DLC1: variants seen among roughly 807,000 people sequenced by gnomAD.
DLC1 encodes the protein DLC1 Rho GTPase activating protein, also known as rho GTPase-activating protein 7.
A neutral mutation model predicts 140.3 loss-of-function variants in DLC1; 54 were observed. That is an observed-to-expected ratio of 0.38 (90% CI 0.31 to 0.48). The LOEUF (loss-of-function observed/expected upper bound fraction) is 0.48. Ranked by LOEUF, DLC1 falls within the 20% of genes least tolerant of loss-of-function variation. The pLI is 0.96. For missense variants in DLC1, 2,536 were observed against 1,907.0 expected, an observed-to-expected ratio of 1.33 and a Z score of -6.14; for synonymous variants, 986 against 728.1, an observed-to-expected ratio of 1.35 and a Z score of -5.70.
At chr8:13,433,621 G>T (rs115362700) in intron 2 of DLC1, among the ~76,000 whole-genome samples, 2,729 of 152,248 alleles carry the variant, frequency 0.018, 88 homozygotes, top group African/African-American at 0.063. Context: ...GAAACTCACA[G>T]ACTGAAATGA....
At chr8:13,513,883 A>T (rs1322327457) in intron 1 of DLC1, among the ~76,000 whole-genome samples, 1 of 152,178 alleles carries the variant, frequency 6.6e-6, no homozygotes, top group East Asian at 1.9e-4. Context: ...GATTGACTTC[A>T]GTTATTCAAA....
intron 5 of DLC1, among the ~76,000 whole-genome samples, chr8:13,224,855 T>TAC (rs1447759216): frequency 6.6e-6 from 1 of 152,190 alleles, no homozygotes; most frequent in Non-Finnish European, 1.5e-5. Context: ...ATGCTAGTCT[T>TAC]ATGCACCACG....
chr8:13,179,313 T>G (rs1353187150), intron 5 of DLC1, among the ~76,000 whole-genome samples: 3 of 152,138 alleles, frequency 2.0e-5, no homozygotes, highest in Non-Finnish European at 4.4e-5. Context: ...AGTTGGTTGG[T>G]AATGTTTTGT....
At chr8:13,281,657 T>C (rs1428916614) in intron 5 of DLC1, among the ~76,000 whole-genome samples, 1 of 152,162 alleles carries the variant, frequency 6.6e-6, no homozygotes, top group Non-Finnish European at 1.5e-5. Flanking sequence ...TTCTGATATA[T>C]ACCAAAATCA....
intron 3 of DLC1, among the ~76,000 whole-genome samples, chr8:13,394,046 C>T (rs890676840): frequency 6.6e-6 from 1 of 152,214 alleles, no homozygotes; most frequent in African/African-American, 2.4e-5. Flanking sequence ...CCTTGAATCA[C>T]TCACTGACAC....
chr8:13,326,173 A>G (rs558861705), intron 4 of DLC1, among the ~76,000 whole-genome samples: 1 of 152,366 alleles, frequency 6.6e-6, no homozygotes, highest in African/African-American at 2.4e-5. Context: ...CTATACTGCA[A>G]GGCAATGATG....
At chr8:13,188,801 GTATATATATA>G (rs1237501850) in intron 5 of DLC1, among the ~76,000 whole-genome samples, 1 of 71,884 alleles carries the variant, frequency 1.4e-5, no homozygotes, top group Non-Finnish European at 2.4e-5. Flanking sequence ...GTGTGTGTGT[GTATATATATA>G]TATATATATA....
intron 5 of DLC1, among the ~76,000 whole-genome samples, chr8:13,222,848 A>G (rs113539521): frequency 0.011 from 1,709 of 152,210 alleles, 15 homozygotes; most frequent in Non-Finnish European, 0.018. Flanking sequence ...GGCTCAAGCA[A>G]TCCTCCCACC....
chr8:13,125,054 G>C (rs1585701883), intron 5 of DLC1, among the ~76,000 whole-genome samples: 1 of 151,652 alleles, frequency 6.6e-6, no homozygotes, highest in African/African-American at 2.4e-5. Context: ...TCAACTCACA[G>C]CAACCTCTGC....
intron 1 of DLC1, among the ~76,000 whole-genome samples, chr8:13,561,097 A>G (rs1446277967): frequency 2.0e-5 from 3 of 150,954 alleles, no homozygotes; most frequent in Non-Finnish European, 2.9e-5. Context: ...ATTTAGATAA[A>G]TATTGTATAT....
rs553025719 is a variant in DLC1, at chr8:13,563,678, G to A, written c.-126+40859C>T. Among the ~76,000 whole-genome samples, 4 of 152,198 alleles carry A rather than the reference G, an allele frequency of 2.6e-5. No homozygotes were observed. In the South Asian group the frequency reaches 8.3e-4, roughly 32 times the overall value. ...CAGATCTCAAAAGCATTAAAAATGT[G>A]CATACATTTTGACCCACGAATTATG... On this transcript the variant is annotated intron_variant, in intron 1 of 1. Transcript: ENST00000631382.
chr8:13,406,811 G>C (rs896382132), intron 2 of DLC1, among the ~76,000 whole-genome samples: 1 of 152,154 alleles, frequency 6.6e-6, no homozygotes, highest in Non-Finnish European at 1.5e-5. Context: ...AGAATTTAGT[G>C]CCTGTTTAGA....
At chr8:13,479,477 A>G (rs1172168289) in intron 2 of DLC1, among the ~76,000 whole-genome samples, 1 of 152,224 alleles carries the variant, frequency 6.6e-6, no homozygotes, top group Non-Finnish European at 1.5e-5. Flanking sequence ...GGAGGTGGCA[A>G]CACTCATAAA....
intron 2 of DLC1, among the ~76,000 whole-genome samples, chr8:13,419,249 A>G (rs1460514339): frequency 1.3e-5 from 2 of 151,790 alleles, no homozygotes; most frequent in South Asian, 2.1e-4. Context: ...TTCTAACACT[A>G]TGTTGAATAG....
At chr8:13,168,345 G>T (rs1825236491) in intron 5 of DLC1, among the ~76,000 whole-genome samples, 1 of 152,104 alleles carries the variant, frequency 6.6e-6, no homozygotes, top group Non-Finnish European at 1.5e-5. Flanking sequence ...CAGAGCTCTA[G>T]GTCTGTATCT....
chr8:13,378,772 G>T (rs912240143), intron 4 of DLC1, among the ~76,000 whole-genome samples: 55 of 152,200 alleles, frequency 3.6e-4, no homozygotes, highest in African/African-American at 1.3e-3. Flanking sequence ...ATTTAATTTA[G>T]TTCTAGAGAT....
intron 1 of DLC1, among the ~76,000 whole-genome samples, chr8:13,554,395 T>C (rs1197550730): frequency 2.0e-5 from 3 of 152,124 alleles, no homozygotes; most frequent in Non-Finnish European, 2.9e-5. Flanking sequence ...ACTCCTATAG[T>C]GCCTTCTAGG....
chr8:13,301,611 T>C (rs1653024), intron 5 of DLC1, among the ~76,000 whole-genome samples: 117,497 of 152,138 alleles, frequency 0.77, 46,231 homozygotes, highest in East Asian at 0.9. Context: ...AGGAAGCAGA[T>C]GTGCTTGAGG....
rs570121787 is a variant in DLC1, at chr8:13,164,127, T to A, written c.1349-48470A>T. On this transcript the variant is annotated intron_variant, in intron 5 of 17. Coordinates refer to ENST00000276297, the MANE Select transcript of DLC1 (RefSeq NM_182643.3). ...GGCTGGCCAACATGATGAAACCCTG[T>A]CTCTACTAAAAAATACAAGAATTAG... Among the ~76,000 whole-genome samples the A allele has an allele frequency of 1.3e-3, 199 of 152,148 alleles. 5 individuals are homozygous for A. In the South Asian group the frequency reaches 0.036, roughly 28 times the overall value.
Sources: gnomAD v4.1 joint callset for allele counts (sites outside exome capture counted in the v4.1 genomes callset) on GRCh38, gnomAD v4.1.1 for gene constraint, MANE v1.5 for transcripts, NCBI Gene and HGNC (gene_info 2026-07-23, HGNC 2026-07-21) for gene names.